GABPB2: variants seen among roughly 807,000 people sequenced by gnomAD.
The protein encoded by GABPB2 is GA binding protein transcription factor subunit beta 2.
GABPB2 carries 23 observed loss-of-function variants against 39.1 expected under a neutral mutation model. The observed-to-expected ratio is 0.59, with a 90% confidence interval of 0.42 to 0.83. The LOEUF (loss-of-function observed/expected upper bound fraction) is 0.83, where lower values mean the gene tolerates loss of function less well. Ranked by LOEUF, GABPB2 falls within the 40% of genes least tolerant of loss-of-function variation. The probability of loss-of-function intolerance (pLI) is 0.00; values close to 1 mark genes in which losing one functional copy is unlikely to be tolerated. For synonymous variants in GABPB2, 184 were observed against 199.3 expected (o/e 0.92, Z 0.65); for missense variants, 467 against 541.1 (o/e 0.86, Z 1.36).
intron 7 of GABPB2, among the ~76,000 whole-genome samples, chr1:151,109,298 T>TTATATA (rs33932552): frequency 9.7e-4 from 136 of 139,492 alleles, no homozygotes; most frequent in African/African-American, 3.4e-3. Context: ...TTGTGGGGAT[T>TTATATA]TATATATATA....
intron 1 of GABPB2, among the ~76,000 whole-genome samples, chr1:151,085,379 G>T (rs1190708158): frequency 6.6e-6 from 1 of 152,074 alleles, no homozygotes; most frequent in African/African-American, 2.4e-5. Context: ...CCTGGGTGAT[G>T]AGAGCAAAAC....
intron 3 of GABPB2, 28 bp from the exon 4 acceptor site, chr1:151,093,164 T>A: frequency 6.5e-7 from 1 of 1,530,514 alleles, no homozygotes; most frequent in Non-Finnish European, 8.8e-7. Context: ...AACCGCTGTT[T>A]GTTGAAAAAA....
intron 6 of GABPB2, among the ~76,000 whole-genome samples, chr1:151,104,775 C>T (rs7556504): frequency 9.9e-4 from 53 of 53,514 alleles, no homozygotes; most frequent in East Asian, 3.7e-3. Context: ...CTTTCTTTCT[C>T]TCTTTCTTTC....
At chr1:151,082,469 T>C (rs1436683395) in intron 1 of GABPB2, among the ~76,000 whole-genome samples, 2 of 132,508 alleles carry the variant, frequency 1.5e-5, no homozygotes, top group Non-Finnish European at 3.1e-5. Context: ...TAGCTCGATC[T>C]CGGCTCACTG....
rs587744830 is a variant in GABPB2 at position 151,124,991 on chromosome 1, C to G, written c.*6735C>G. 6.6e-6 allele frequency: 1 copy of G among 151,934 alleles called. No individual in the cohort carries two copies. Among genetic ancestry groups the G allele is most frequent in the East Asian group, 1.9e-4 (1 of 5,182 alleles). The allele number at this position is 151,934 out of a possible 1,614,324, so 9.4% of individuals were successfully genotyped here. ...TTCTGCTTTTGTGATTCCATTGTTC[C>G]TATCTCATTGAGGCTTTCCCAGGCA... On this transcript the variant is annotated 3_prime_UTR_variant, in exon 9 of 9. Transcript: ENST00000368918.
Position 151,118,385 on chromosome 1 carries a change from T to TA in GABPB2, c.*129_*130insA. The stretch of plus-strand genomic sequence containing the variant: ...AGAAAACTATAGCAGGGTACAATGC[T>TA]TGGGCTCAGGAAGTTTCTCTGTGCA... On this transcript the variant is annotated 3_prime_UTR_variant, in exon 9 of 9. Coordinates refer to ENST00000368918, the MANE Select transcript of GABPB2 (RefSeq NM_144618.3). 1.1e-6 allele frequency: 1 copy of TA among 887,198 alleles called. No homozygotes were observed. The highest frequency in any genetic ancestry group is 1.7e-6 in the Non-Finnish European group (1 of 603,662). 55.0% of individuals were successfully genotyped at this position (887,198 alleles called of 1,614,324 possible).
At chr1:151,079,042 A>G (rs1355410193) in intron 1 of GABPB2, among the ~76,000 whole-genome samples, 1 of 152,112 alleles carries the variant, frequency 6.6e-6, no homozygotes, top group Admixed American at 6.6e-5. Context: ...GGAGGAGAAA[A>G]TAGCCTTGAA....
intron 3 of GABPB2, among the ~76,000 whole-genome samples, chr1:151,092,455 G>A (rs1678799873): frequency 6.6e-6 from 1 of 151,198 alleles, no homozygotes; most frequent in Non-Finnish European, 1.5e-5. Flanking sequence ...ATCTCACTAC[G>A]TTGACCAGGC....
chr1:151,088,145 G>A, intron 1 of GABPB2, 45 bp from the exon 2 acceptor site: 1 of 1,372,956 alleles, frequency 7.3e-7, no homozygotes, highest in Non-Finnish European at 1.0e-6. Context: ...CTTTCCTTAT[G>A]TTCGAGTTAT....
intron 7 of GABPB2, among the ~76,000 whole-genome samples, chr1:151,114,203 T>A (rs1232418655): frequency 3.3e-5 from 5 of 149,548 alleles, no homozygotes; most frequent in African/African-American, 9.9e-5. Context: ...AAAAAAAAAA[T>A]ATATTAGCCA....
rs1318691625 is a variant in GABPB2 at position 151,116,358 on chromosome 1, G to A, written c.923-1034G>A. On this transcript the variant is annotated intron_variant, in intron 7 of 8. Transcript: ENST00000368918. ...TTAGCCATTGCACTCCAGAGATCAC[G>A]CCATTGCACTCCAGTCTGGGCAACG... Among the ~76,000 whole-genome samples, 11 of 142,636 alleles carry A rather than the reference G, an allele frequency of 7.7e-5. No homozygotes were observed. The East Asian group carries it at 2.0e-3, about 26-fold the overall frequency. The allele number at this position is 142,636 out of a possible 152,430, so 93.6% of individuals were successfully genotyped here.
chr1:151,085,437 G>A (rs587686979), intron 1 of GABPB2, among the ~76,000 whole-genome samples: 1 of 152,164 alleles, frequency 6.6e-6, no homozygotes, highest in South Asian at 2.1e-4. Context: ...GATAAAAGCA[G>A]TTATTTATTT....
intron 1 of GABPB2, among the ~76,000 whole-genome samples, chr1:151,071,712 T>TC (rs1171848283): frequency 4.6e-5 from 7 of 152,054 alleles, no homozygotes; most frequent in East Asian, 1.9e-4. Context: ...CCTTAGGGGA[T>TC]CCCCCCGCCT....
chr1:151,089,395 A>C (rs1678477455), intron 2 of GABPB2, among the ~76,000 whole-genome samples: 1 of 152,238 alleles, frequency 6.6e-6, no homozygotes, highest in Non-Finnish European at 1.5e-5. Flanking sequence ...AGAGCATAAC[A>C]AAAAGAAGGG....
intron 7 of GABPB2, chr1:151,112,240 A>AAC (rs1477335962): frequency 2.0e-5 from 3 of 151,388 alleles, no homozygotes; most frequent in Admixed American, 6.6e-5. Context: ...AAAAAAAAAA[A>AAC]AAAAAAACCT....
chr1:151,111,069 C>T (rs999621421), intron 7 of GABPB2, among the ~76,000 whole-genome samples: 4 of 151,956 alleles, frequency 2.6e-5, no homozygotes, highest in Admixed American at 1.3e-4. Context: ...CGCTTGAGGT[C>T]GGGATTTCAA....
chr1:151,075,125 G>C (rs1174466043), intron 1 of GABPB2, among the ~76,000 whole-genome samples: 10 of 152,258 alleles, frequency 6.6e-5, no homozygotes, highest in Middle Eastern at 3.4e-3. Flanking sequence ...CTGGGCGACA[G>C]AGTGAGACAG....
intron 1 of GABPB2, among the ~76,000 whole-genome samples, chr1:151,074,129 C>T (rs1676956905): frequency 6.7e-6 from 1 of 150,324 alleles, no homozygotes; most frequent in African/African-American, 2.4e-5. Flanking sequence ...TCACCTGCCA[C>T]GGCGCCCGGC....
At chr1:151,072,237 T>C (rs1676789937) in intron 1 of GABPB2, among the ~76,000 whole-genome samples, 1 of 152,218 alleles carries the variant, frequency 6.6e-6, no homozygotes, top group Non-Finnish European at 1.5e-5. Context: ...TCATGAATTA[T>C]TAAAACACAC....
Sources: allele counts gnomAD v4.1 joint callset (sites outside exome capture counted in the v4.1 genomes callset), GRCh38; gene constraint gnomAD v4.1.1; transcripts MANE v1.5; gene names NCBI Gene and HGNC (gene_info 2026-07-23, HGNC 2026-07-21).